The following DYM variants were observed in gnomAD, a reference collection of about 807,000 sequenced individuals.
DYM encodes dyggve-Melchior-Clausen syndrome protein.
DYM carries 78 observed loss-of-function variants against 93.1 expected under a neutral mutation model. That is an observed-to-expected ratio of 0.84 (90% CI 0.70 to 1.01). The LOEUF is 1.01. Among genes scored for constraint, DYM ranks in the 50% least tolerant of loss-of-function variants. The pLI is 0.00. For missense variants in DYM, 789 were observed against 845.0 expected, an observed-to-expected ratio of 0.93 and a Z score of 0.82; for synonymous variants, 321 against 319.7, an observed-to-expected ratio of 1.00 and a Z score of -0.04.
chr18:49,403,240 G>A (rs769464659), intron 2 of DYM, among the ~76,000 whole-genome samples: 7 of 152,130 alleles, frequency 4.6e-5, no homozygotes, highest in Non-Finnish European at 1.0e-4. Context: ...GTGGTTATAC[G>A]TTTTGAAATA....
intron 14 of DYM, among the ~76,000 whole-genome samples, chr18:49,188,513 A>G (rs1342838794): frequency 1.3e-5 from 2 of 152,218 alleles, no homozygotes; most frequent in Non-Finnish European, 2.9e-5. Context: ...GCAGCCATGA[A>G]AAATGATGAG....
At chr18:49,283,530 A>G (rs1291523022) in intron 9 of DYM, among the ~76,000 whole-genome samples, 2 of 152,044 alleles carry the variant, frequency 1.3e-5, no homozygotes, top group African/African-American at 4.8e-5. Context: ...CCCCTTTCCA[A>G]CAGTTAACTG....
intron 8 of DYM, among the ~76,000 whole-genome samples, chr18:49,298,677 GAATAGAA>G (rs2146116221): frequency 6.6e-6 from 1 of 151,302 alleles, no homozygotes; most frequent in South Asian, 2.1e-4. Context: ...ATTCCTTGAA[GAATAGAA>G]AATAGAACTG....
Position 49,044,060 on chromosome 18 carries a change from C to T in DYM, c.2170G>A (p.Asp724Asn), listed in dbSNP as rs780336634. 144 of 1,613,118 alleles carry T rather than the reference C, an allele frequency of 8.9e-5. No individual in the cohort carries two copies. Among genetic ancestry groups the T allele is most frequent in the Non-Finnish European group, 1.2e-4 (137 of 1,180,016 alleles). Residue 724 changes from aspartate to asparagine, a missense_variant, in exon 18 of 18, where the codon GAC becomes AAC. By Grantham distance (23) the Asp-to-Asn change is conservative (BLOSUM62 1). Around this residue, in one of 3 missense-constraint regions of DYM, gnomAD observed 114 missense variants for 105.8 expected, o/e 1.08. Transcript: ENST00000675505. The part of the protein sequence containing the change: ...QDIQLFTMDS[D>N] ...GGTGGGAGAGCATCCTGCCCTCAGT[C>T]GGAATCCATGGTGAACAGCTGGATG...
At chr18:49,362,125 C>G (rs1174218421) in intron 6 of DYM, among the ~76,000 whole-genome samples, 2 of 151,960 alleles carry the variant, frequency 1.3e-5, no homozygotes, top group African/African-American at 4.8e-5. Context: ...CTCAGGCTCC[C>G]AAAGTGCTGG....
At chr18:49,370,748 G>A (rs2066962543) in intron 5 of DYM, among the ~76,000 whole-genome samples, 1 of 152,186 alleles carries the variant, frequency 6.6e-6, no homozygotes, top group Non-Finnish European at 1.5e-5. Context: ...GCCTGGGAAA[G>A]AGAGCAAGAC....
chr18:49,360,494 C>A (rs1814773), intron 6 of DYM, among the ~76,000 whole-genome samples: 1,626 of 151,826 alleles, frequency 0.011, 15 homozygotes, highest in Non-Finnish European at 0.018. Context: ...TGGTGGCGCT[C>A]GTCTGTAATC....
At chr18:49,212,316 AT>A (rs1183984319) in intron 13 of DYM, among the ~76,000 whole-genome samples, 5 of 152,118 alleles carry the variant, frequency 3.3e-5, no homozygotes, top group African/African-American at 1.2e-4. Context: ...ATTTTGAAAA[AT>A]ATCCTTATTT....
Position 49,426,045 on chromosome 18 carries a change from G to T in DYM, c.140+4210C>A, listed in dbSNP as rs182758067. ...ATTTGACCCAGAAATCCCATTACTGGGTATATACCCACAGGACCGTAAAGC... is the reference window on the plus strand; with the variant it reads ...ATTTGACCCAGAAATCCCATTACTGTGTATATACCCACAGGACCGTAAAGC... On this transcript the variant is annotated intron_variant, in intron 2 of 17. Transcript: ENST00000675505. Among the ~76,000 whole-genome samples, 174 of 152,070 alleles carry T rather than the reference G, an allele frequency of 1.1e-3. 2 individuals are homozygous for T. Among genetic ancestry groups the T allele is most frequent in the African/African-American group, 4.1e-3 (170 of 41,462 alleles).
chr18:49,416,204 A>G (rs2072967327), intron 2 of DYM, among the ~76,000 whole-genome samples: 2 of 152,218 alleles, frequency 1.3e-5, no homozygotes, highest in Non-Finnish European at 1.5e-5. Flanking sequence ...GACACTTTAC[A>G]TGCATGATAG....
At chr18:49,084,364 TG>T (rs1344729722) in intron 17 of DYM, among the ~76,000 whole-genome samples, 1 of 152,200 alleles carries the variant, frequency 6.6e-6, no homozygotes, top group African/African-American at 2.4e-5. Context: ...AGACTTGTTT[TG>T]TGACCCAGCA....
At chr18:49,123,380 C>A (rs113682639) in intron 15 of DYM, among the ~76,000 whole-genome samples, 104 of 152,280 alleles carry the variant, frequency 6.8e-4, no homozygotes, top group African/African-American at 2.4e-3. Context: ...ATCACCATAC[C>A]AGTATCAGTT....
At position 49,068,265 on chromosome 18, in the gene DYM, G is replaced by C. The variant is rs557741604; in HGVS notation, c.2026-24061C>G. Among the ~76,000 whole-genome samples the C allele has an allele frequency of 1.6e-4, 24 of 152,316 alleles. No individual in the cohort carries two copies. In the South Asian group the frequency reaches 4.8e-3, roughly 30 times the overall value. On this transcript the variant is annotated intron_variant, in intron 17 of 17. Coordinates refer to ENST00000675505, the MANE Select transcript of DYM (RefSeq NM_001353214.3). ...CTGGATCTGCCCCCACCAGCCTGGT[G>C]ACCTTGGATGAGGCAATTCTCATTT...
chr18:49,237,725 A>AC (rs1421941615), intron 13 of DYM, among the ~76,000 whole-genome samples: 1 of 152,166 alleles, frequency 6.6e-6, no homozygotes, highest in Admixed American at 6.5e-5. Context: ...CTCTCCTCCC[A>AC]CCCCATAACC....
At chr18:49,420,939 T>C (rs1419637796) in intron 2 of DYM, among the ~76,000 whole-genome samples, 2 of 152,198 alleles carry the variant, frequency 1.3e-5, no homozygotes, top group East Asian at 3.9e-4. Flanking sequence ...GAGATCAAAC[T>C]ACAAGGTGGC....
At chr18:49,455,719 A>G (rs976476191) in intron 1 of DYM, among the ~76,000 whole-genome samples, 3 of 152,166 alleles carry the variant, frequency 2.0e-5, no homozygotes, top group Non-Finnish European at 4.4e-5. Flanking sequence ...TGGGAGGCCG[A>G]GGTGGGTGGA....
chr18:49,080,016 G>A (rs1174951382), intron 17 of DYM, among the ~76,000 whole-genome samples: 4 of 150,586 alleles, frequency 2.7e-5, no homozygotes, highest in African/African-American at 9.8e-5. Flanking sequence ...CGGACGGGGC[G>A]GCTGGCTGGG....
At chr18:49,200,106 T>G (rs1317131691) in intron 14 of DYM, among the ~76,000 whole-genome samples, 2 of 152,120 alleles carry the variant, frequency 1.3e-5, no homozygotes, top group East Asian at 3.8e-4. Context: ...CGCAGTTCTT[T>G]GCCAATTAAT....
At chr18:49,363,562 A>G (rs2067366214) in intron 5 of DYM, among the ~76,000 whole-genome samples, 1 of 152,224 alleles carries the variant, frequency 6.6e-6, no homozygotes, top group Non-Finnish European at 1.5e-5. Flanking sequence ...AAAGCCAAAT[A>G]TATGAAACAG....
Sources: gnomAD v4.1 joint callset for allele counts (sites outside exome capture counted in the v4.1 genomes callset) on GRCh38, gnomAD v4.1.1 for gene constraint, gnomAD v4.1.1 regional missense constraint, MANE v1.5 for transcripts, NCBI Gene and HGNC (gene_info 2026-07-23, HGNC 2026-07-21) for gene names.